The following CA8 variants were observed in gnomAD, a reference collection of about 807,000 sequenced individuals.
CA8 encodes the protein carbonic anhydrase-related protein.
Under a neutral mutation model 41.4 loss-of-function variants are expected in CA8, and 22 were observed. That is an observed-to-expected ratio of 0.53 (90% CI 0.38 to 0.76). The LOEUF (loss-of-function observed/expected upper bound fraction) is 0.76, where lower values mean the gene tolerates loss of function less well. Ranked by LOEUF, CA8 falls within the 30% of genes least tolerant of loss-of-function variation. The pLI, the probability that CA8 is intolerant of heterozygous loss-of-function variation, is 0.00. For missense variants in CA8, 270 were observed against 352.8 expected, an observed-to-expected ratio of 0.77 and a Z score of 1.88; for synonymous variants, 121 against 130.6, an observed-to-expected ratio of 0.93 and a Z score of 0.50.
At chr8:60,248,026 T>C (rs955095930) in intron 3 of CA8, among the ~76,000 whole-genome samples, 1 of 152,140 alleles carries the variant, frequency 6.6e-6, no homozygotes, top group Non-Finnish European at 1.5e-5. Context: ...CTTTTTTTCA[T>C]ATGTTTGTTG....
Position 60,201,949 on chromosome 8 carries a change from G to A in CA8, c.*35+6801C>T, listed in dbSNP as rs1039281316. Among the ~76,000 whole-genome samples the A allele has an allele frequency of 4.9e-5, 7 of 142,260 alleles. No individual in the cohort carries two copies. The East Asian group carries it at 1.4e-3, about 27-fold the overall frequency. The allele number at this position is 142,260 out of a possible 152,430, so 93.3% of individuals were successfully genotyped here. On this transcript the variant is annotated intron_variant, in intron 8 of 8. Transcript: ENST00000317995. ...CAAAATAAATATCTGAATTTTTAAGGGCATTATTTTTAAATGACTGTTTCC... is the reference window on the plus strand; with the variant it reads ...CAAAATAAATATCTGAATTTTTAAGAGCATTATTTTTAAATGACTGTTTCC...
At chr8:60,253,265 G>A (rs1563371384) in intron 3 of CA8, among the ~76,000 whole-genome samples, 1 of 151,910 alleles carries the variant, frequency 6.6e-6, no homozygotes, top group African/African-American at 2.4e-5. Context: ...AAACAATATG[G>A]ATAGTAGTGA....
chr8:60,210,484 G>A lies in CA8; in HGVS notation c.739-1565C>T, dbSNP rs867783708. On this transcript the variant is annotated intron_variant, in intron 7 of 8. Transcript: ENST00000317995. Reference sequence around the variant, plus strand: ...AATTTTTACATGTGCATTTTCCTCAGGAGAGGCTCCCTGACTCCAAGAGTT... The same window carrying A: ...AATTTTTACATGTGCATTTTCCTCAAGAGAGGCTCCCTGACTCCAAGAGTT... Among the ~76,000 whole-genome samples the A allele has an allele frequency of 2.6e-5, 4 of 152,180 alleles. No individual in the cohort carries two copies. In the South Asian group the frequency reaches 6.2e-4, roughly 24 times the overall value.
At chr8:60,232,656 T>C (rs1807695796) in intron 3 of CA8, 1 of 465,914 alleles carries the variant, frequency 2.1e-6, no homozygotes, top group African/African-American at 2.0e-5. Context: ...AGACTTCACA[T>C]TGATTCAGTT....
At chr8:60,247,856 T>C (rs1458705955) in intron 3 of CA8, among the ~76,000 whole-genome samples, 1 of 152,230 alleles carries the variant, frequency 6.6e-6, no homozygotes, top group Admixed American at 6.5e-5. Context: ...GTTGAACTAA[T>C]TTACATTCAC....
At chr8:60,209,320 C>T (rs1806751937) in intron 7 of CA8, among the ~76,000 whole-genome samples, 2 of 152,142 alleles carry the variant, frequency 1.3e-5, no homozygotes, top group African/African-American at 4.8e-5. Flanking sequence ...CCTGTCTCTA[C>T]TAAAAATACA....
At chr8:60,218,877 C>T (rs758062125) in intron 7 of CA8, among the ~76,000 whole-genome samples, 1 of 152,084 alleles carries the variant, frequency 6.6e-6, no homozygotes, top group African/African-American at 2.4e-5. Context: ...CTGGATGGGG[C>T]GGCCGGCAGT....
chr8:60,237,043 T>C (rs1489722723), intron 3 of CA8, among the ~76,000 whole-genome samples: 1 of 152,206 alleles, frequency 6.6e-6, no homozygotes, highest in African/African-American at 2.4e-5. Context: ...GGGGTGTGTC[T>C]GGTCTATGGA....
rs1477604727 is a variant in CA8, at chr8:60,187,061, G to T, written c.*2960C>A. On this transcript the variant is annotated 3_prime_UTR_variant, in exon 9 of 9. Coordinates refer to ENST00000317995, the MANE Select transcript of CA8 (RefSeq NM_004056.6). ...CTCTTAAGTACACATGGATTATTCT[G>T]CAGGATAAACCATATGCTAAGCCAG... is the stretch of plus-strand genomic sequence containing the variant. Among the ~76,000 whole-genome samples the T allele has an allele frequency of 6.6e-6, 1 of 152,004 alleles. No individual in the cohort carries two copies. Among genetic ancestry groups the T allele is most frequent in the Non-Finnish European group, 1.5e-5 (1 of 67,924 alleles).
chr8:60,248,791 G>A (rs934596316), intron 3 of CA8, among the ~76,000 whole-genome samples: 1 of 152,108 alleles, frequency 6.6e-6, no homozygotes, highest in Non-Finnish European at 1.5e-5. Context: ...TGTGAAGAAT[G>A]TCAATGGTAG....
Position 60,281,075 on chromosome 8 carries a change from C to G in CA8, c.73G>C (p.Glu25Gln). The change falls in exon 1 of 9, where the codon GAG (glutamate) becomes CAG (glutamine). Residue 25 changes from glutamate (E) to glutamine (Q), a missense_variant. Transcript: ENST00000317995. ...EKEEDEEEEE[E>Q]GVEWGYEEGV... ...TCCTCGTAGCCCCACTCCACACCCTCCTCTTCTTCCTCCTCATCCTCTTCC... is the reference window on the plus strand; with the variant it reads ...TCCTCGTAGCCCCACTCCACACCCTGCTCTTCTTCCTCCTCATCCTCTTCC... 6.2e-7 allele frequency: 1 copy of G among 1,611,092 alleles called. No individual in the cohort carries two copies. The highest frequency in any genetic ancestry group is 8.5e-7 in the Non-Finnish European group (1 of 1,179,306).
At chr8:60,256,527 T>A (rs1422057764) in intron 3 of CA8, among the ~76,000 whole-genome samples, 1 of 152,172 alleles carries the variant, frequency 6.6e-6, no homozygotes, top group African/African-American at 2.4e-5. Flanking sequence ...AGCAAAGCAG[T>A]AGCAAGGGCG....
intron 8 of CA8, among the ~76,000 whole-genome samples, chr8:60,197,114 C>T (rs1052250814): frequency 6.6e-6 from 1 of 152,014 alleles, no homozygotes; most frequent in Non-Finnish European, 1.5e-5. Flanking sequence ...ATATGGATTA[C>T]AATAAAACTC....
At chr8:60,252,291 T>C (rs6471855) in intron 3 of CA8, among the ~76,000 whole-genome samples, 70,065 of 151,666 alleles carry the variant, frequency 0.46, 18,558 homozygotes, top group African/African-American at 0.74. Context: ...AAAAAGTCCC[T>C]CAAAAAGACA....
chr8:60,209,015 A>G lies in CA8; in HGVS notation c.739-96T>C, dbSNP rs547279290. ...GACATGCATAAAATATGTATAAATTACAAGAATTATTGAAGAGAAAATTAA... is the reference window on the plus strand; with the variant it reads ...GACATGCATAAAATATGTATAAATTGCAAGAATTATTGAAGAGAAAATTAA... On this transcript the variant is annotated intron_variant, in intron 7 of 8. Coordinates refer to ENST00000317995, the MANE Select transcript of CA8 (RefSeq NM_004056.6). 86 of 1,290,380 alleles carry G rather than the reference A, an allele frequency of 6.7e-5. No individual in the cohort carries two copies. In the African/African-American group the frequency reaches 9.5e-4, roughly 14 times the overall value. 79.9% of individuals were successfully genotyped at this position (1,290,380 alleles called of 1,614,324 possible).
intron 2 of CA8, among the ~76,000 whole-genome samples, chr8:60,268,583 G>T (rs1439662770): frequency 6.6e-6 from 1 of 152,134 alleles, no homozygotes; most frequent in East Asian, 1.9e-4. Flanking sequence ...AATTCAAACT[G>T]CACAGACCCA....
At chr8:60,248,309 G>A (rs970699895) in intron 3 of CA8, among the ~76,000 whole-genome samples, 4 of 152,166 alleles carry the variant, frequency 2.6e-5, no homozygotes, top group Admixed American at 6.5e-5. Context: ...TGGTGTTTCC[G>A]TCACGAAATC....
intron 8 of CA8, among the ~76,000 whole-genome samples, chr8:60,197,864 A>T (rs1806324034): frequency 6.6e-6 from 1 of 152,218 alleles, no homozygotes; most frequent in Non-Finnish European, 1.5e-5. Flanking sequence ...GATGAGAAAG[A>T]GATGTAGAAT....
chr8:60,280,940 G>T (rs1804399547), intron 1 of CA8, 108 bp downstream of exon 1: 2 of 784,462 alleles, frequency 2.5e-6, no homozygotes, highest in Non-Finnish European at 4.4e-6. Flanking sequence ...GAAAGAGGGG[G>T]CGTGGGGGTG....
Sources: gnomAD v4.1 joint callset for allele counts (sites outside exome capture counted in the v4.1 genomes callset) on GRCh38, gnomAD v4.1.1 for gene constraint, MANE v1.5 for transcripts, NCBI Gene and HGNC (gene_info 2026-07-23, HGNC 2026-07-21) for gene names.